The following GABPB1 variants were observed in gnomAD, a reference collection of about 807,000 sequenced individuals.
GABPB1 encodes GA-binding protein subunit beta-1.
GABPB1 carries 15 observed loss-of-function variants against 45.9 expected under a neutral mutation model. The observed-to-expected ratio is 0.33, with a 90% CI of 0.22 to 0.50. The LOEUF is 0.50. Among genes scored for constraint, GABPB1 ranks in the 20% least tolerant of loss-of-function variants. The probability of loss-of-function intolerance (pLI) is 0.98; values close to 1 mark genes in which losing one functional copy is unlikely to be tolerated. For missense variants in GABPB1, 252 were observed against 457.5 expected, an observed-to-expected ratio of 0.55 and a Z score of 4.10; for synonymous variants, 143 against 154.4, an observed-to-expected ratio of 0.93 and a Z score of 0.55.
chr15:50,319,318 C>T (rs981293105), intron 1 of GABPB1, among the ~76,000 whole-genome samples: 2 of 152,084 alleles, frequency 1.3e-5, no homozygotes, highest in African/African-American at 4.8e-5. Flanking sequence ...GGTACAGGTG[C>T]AGTTTGTTAC....
chr15:50,305,948 T>C (rs1313237497), intron 2 of GABPB1, among the ~76,000 whole-genome samples: 2 of 151,664 alleles, frequency 1.3e-5, no homozygotes, highest in Non-Finnish European at 2.9e-5. Context: ...CACCTGGCCA[T>C]GTAGTTTTTG....
intron 1 of GABPB1, among the ~76,000 whole-genome samples, chr15:50,326,753 G>C (rs763614948): frequency 6.6e-6 from 1 of 152,004 alleles, no homozygotes; most frequent in Non-Finnish European, 1.5e-5. Flanking sequence ...AGGACTGCTT[G>C]AGCCTGGGAG....
At position 50,354,275 on chromosome 15, in the gene GABPB1, G is replaced by C. The variant is rs756510827; in HGVS notation, c.-1+710C>G. 1.5e-5 allele frequency: 6 copies of C among 402,128 alleles called. No homozygotes were observed. In the East Asian group the frequency reaches 4.4e-4, roughly 30 times the overall value. 24.9% of individuals were successfully genotyped at this position (402,128 alleles called of 1,614,324 possible). On this transcript the variant is annotated intron_variant, in intron 1 of 8. Coordinates refer to ENST00000380877, the MANE Select transcript of GABPB1 (RefSeq NM_016654.5). ...CGGCGGCGAAGTCTTTGGGGCAGAAGTCCCGAGCCTTCAGAACGGCAGGCT... is the reference window on the plus strand; with the variant it reads ...CGGCGGCGAAGTCTTTGGGGCAGAACTCCCGAGCCTTCAGAACGGCAGGCT...
chr15:50,329,500 A>C (rs972678913), intron 1 of GABPB1, among the ~76,000 whole-genome samples: 19 of 152,200 alleles, frequency 1.2e-4, no homozygotes, highest in African/African-American at 4.1e-4. Flanking sequence ...AACTAGCAAT[A>C]AAATGAATAA....
intron 1 of GABPB1, among the ~76,000 whole-genome samples, chr15:50,310,391 C>T (rs537677026): frequency 1.3e-5 from 2 of 152,334 alleles, no homozygotes; most frequent in East Asian, 3.9e-4. Context: ...CCCCACCCAG[C>T]CAAGCTGGTC....
At chr15:50,341,837 C>T (rs1050216182) in intron 1 of GABPB1, among the ~76,000 whole-genome samples, 2 of 152,170 alleles carry the variant, frequency 1.3e-5, no homozygotes, top group Non-Finnish European at 2.9e-5. Flanking sequence ...TGGTACCTTA[C>T]TTCCCAAATG....
At chr15:50,283,936 A>C (rs1223204221) in intron 8 of GABPB1, among the ~76,000 whole-genome samples, 3 of 152,308 alleles carry the variant, frequency 2.0e-5, no homozygotes, top group African/African-American at 7.2e-5. Context: ...TCTCAATCTC[A>C]GCATCACTGA....
chr15:50,328,671 A>C (rs1001825715), intron 1 of GABPB1, among the ~76,000 whole-genome samples: 3 of 152,222 alleles, frequency 2.0e-5, no homozygotes, highest in African/African-American at 7.2e-5. Context: ...CTTGAGGCCA[A>C]CTAGAAATCT....
rs754828693 is a variant in GABPB1, at chr15:50,282,553, T to TAAAAAAAAAAAAAAA, written c.999+3514_999+3515insTTTTTTTTTTTTTTT. ...TGGGTGACAAAGTGAGACCCTGCCT[T>TAAAAAAAAAAAAAAA]AAAAAAGAAAAAAAAAAAAAAACAG... On this transcript the variant is annotated intron_variant, in intron 8 of 8. Coordinates refer to ENST00000380877, the MANE Select transcript of GABPB1 (RefSeq NM_016654.5). Among the ~76,000 whole-genome samples the TAAAAAAAAAAAAAAA allele has an allele frequency of 8.4e-4, 23 of 27,274 alleles. 1 individual carries two copies. The highest frequency in any genetic ancestry group is 1.3e-3 in the Admixed American group (3 of 2,238). The allele number at this position is 27,274 out of a possible 152,430, so 17.9% of individuals were successfully genotyped here. A position where few individuals can be genotyped will look rare whatever the true frequency, so the allele number is the denominator to read the frequency against.
At chr15:50,306,075 A>G (rs1567505322) in intron 2 of GABPB1, among the ~76,000 whole-genome samples, 1 of 152,108 alleles carries the variant, frequency 6.6e-6, no homozygotes, top group Non-Finnish European at 1.5e-5. Context: ...CCTAGGCTCA[A>G]GCAATCCTCC....
intron 1 of GABPB1, among the ~76,000 whole-genome samples, chr15:50,331,681 A>T (rs2047952876): frequency 6.6e-6 from 1 of 152,188 alleles, no homozygotes; most frequent in African/African-American, 2.4e-5. Context: ...TGGTTAATAC[A>T]TAGTGGAAAG....
chr15:50,284,141 C>G (rs1353577234), intron 8 of GABPB1, among the ~76,000 whole-genome samples: 2 of 152,112 alleles, frequency 1.3e-5, no homozygotes, highest in African/African-American at 4.8e-5. Flanking sequence ...AGTCTCCCCC[C>G]AAGATAACCC....
intron 6 of GABPB1, among the ~76,000 whole-genome samples, chr15:50,290,213 T>C (rs1409872825): frequency 1.3e-5 from 2 of 152,192 alleles, no homozygotes; most frequent in African/African-American, 4.8e-5. Context: ...TACATGTGAG[T>C]GGTTAAACAA....
chr15:50,302,358 T>C (rs1231206164), intron 4 of GABPB1, among the ~76,000 whole-genome samples: 1 of 152,012 alleles, frequency 6.6e-6, no homozygotes, highest in Non-Finnish European at 1.5e-5. Flanking sequence ...ATAAAATGTC[T>C]AGGGCCAGGC....
At chr15:50,343,419 G>A (rs1478562488) in intron 1 of GABPB1, among the ~76,000 whole-genome samples, 1 of 152,170 alleles carries the variant, frequency 6.6e-6, no homozygotes, top group Non-Finnish European at 1.5e-5. Flanking sequence ...GCACAAGTTG[G>A]TTCTGCTGTC....
At chr15:50,291,721 A>T (rs942229770) in intron 6 of GABPB1, among the ~76,000 whole-genome samples, 1 of 151,268 alleles carries the variant, frequency 6.6e-6, no homozygotes. Flanking sequence ...GGAGTTCAAG[A>T]CCAGCCTGGG....
intron 6 of GABPB1, among the ~76,000 whole-genome samples, chr15:50,295,839 T>C (rs2046491311): frequency 6.7e-6 from 1 of 150,212 alleles, no homozygotes; most frequent in Non-Finnish European, 1.5e-5. Context: ...TTCAATGAGC[T>C]ATTTTAATCA....
chr15:50,328,144 G>T (rs1455636376), intron 1 of GABPB1, among the ~76,000 whole-genome samples: 3 of 150,714 alleles, frequency 2.0e-5, no homozygotes, highest in Non-Finnish European at 4.4e-5. Context: ...TACTGTATAT[G>T]TGTGTTTGTG....
intron 1 of GABPB1, among the ~76,000 whole-genome samples, chr15:50,318,579 T>C (rs905659210): frequency 5.3e-5 from 8 of 151,762 alleles, no homozygotes; most frequent in South Asian, 2.1e-4. Context: ...AGATCCAACA[T>C]AGAATAGGAG....
Sources: gnomAD v4.1 joint callset for allele counts (sites outside exome capture counted in the v4.1 genomes callset) on GRCh38, gnomAD v4.1.1 for gene constraint, MANE v1.5 for transcripts, NCBI Gene and HGNC (gene_info 2026-07-23, HGNC 2026-07-21) for gene names.